Variants in DOK7 observed in about 807,000 individuals in gnomAD.
The protein encoded by DOK7 is protein Dok-7.
A neutral mutation model predicts 30.7 loss-of-function variants in DOK7; 32 were observed. The ratio of observed to expected loss-of-function variants is 1.04; its 90% CI spans 0.79 to 1.40. The LOEUF (loss-of-function observed/expected upper bound fraction) is 1.40, where lower values mean the gene tolerates loss of function less well. Ranked by LOEUF, DOK7 falls within the 40% of genes most tolerant of loss-of-function variation. The pLI is 0.00. For synonymous variants in DOK7, 447 were observed against 324.1 expected (o/e 1.38, Z -4.07); for missense variants, 1,007 against 699.2 (o/e 1.44, Z -4.97).
intron 6 of DOK7, among the ~76,000 whole-genome samples, chr4:3,491,994 C>T (rs745791368): frequency 8.5e-5 from 13 of 152,228 alleles, no homozygotes; most frequent in Non-Finnish European, 1.6e-4. Flanking sequence ...CCCCTCCTGC[C>T]CTGCCCCAGG....
chr4:3,488,149 G>A (rs1727938942), intron 5 of DOK7, among the ~76,000 whole-genome samples: 1 of 152,352 alleles, frequency 6.6e-6, no homozygotes, highest in African/African-American at 2.4e-5. Flanking sequence ...CCCTGTCCCC[G>A]GCAATGCTAC....
chr4:3,495,809 G>A (rs1052183307), downstream of DOK7, among the ~76,000 whole-genome samples: 7 of 152,144 alleles, frequency 4.6e-5, no homozygotes, highest in African/African-American at 1.7e-4. Context: ...GGGAGCAGCT[G>A]GGGAGGGGCC....
chr4:3,492,887 C>G lies in DOK7; in HGVS notation c.901C>G (p.Pro301Ala), dbSNP rs747520178. 4.4e-6 allele frequency: 7 copies of G among 1,597,294 alleles called. No homozygotes were observed. Among genetic ancestry groups the G allele is most frequent in the East Asian group, 2.3e-5 (1 of 43,962 alleles). ...CAGCACGTCACAGGAGGGGCCTAGA[C>G]CAGCAGCTGCCCAGGCCGCCGGGGA... Reference protein sequence around the residue: ...SASTSQEGPRPAAAQAAGEAM... With the variant: ...SASTSQEGPRAAAAQAAGEAM... Residue 301 changes from proline (P) to alanine (A), a missense_variant, in exon 7 of 7, where the codon CCA (proline) becomes GCA (alanine). Transcript: ENST00000340083.
chr4:3,496,690 C>T, downstream of DOK7: 2 of 988,096 alleles, frequency 2.0e-6, no homozygotes, highest in Non-Finnish European at 2.9e-6. Context: ...GGCTGGACTC[C>T]CTGCAGGTGA....
rs779578555 is a variant in DOK7, at chr4:3,493,311, G to A, written c.1325G>A (p.Cys442Tyr). 3.1e-6 allele frequency: 5 copies of A among 1,605,626 alleles called. No individual in the cohort carries two copies. Among genetic ancestry groups the A allele is most frequent in the East Asian group, 2.2e-5 (1 of 44,576 alleles). Residue 442 changes from cysteine (C) to tyrosine (Y), a missense_variant, in exon 7 of 7, where the codon TGT becomes TAT. By Grantham distance (194) the Cys-to-Tyr change is radical. Transcript: ENST00000340083. Reference protein sequence around the residue: ...RDSGGQTSAGCPSGWLGTRRR... With the variant: ...RDSGGQTSAGYPSGWLGTRRR... ...TCAGGCGGCCAGACGTCCGCCGGGT[G>A]TCCCTCTGGCTGGCTGGGCACGAGA...
At position 3,500,405 on chromosome 4, in the gene DOK7, T is replaced by G; in HGVS notation, c.1261+2T>G. 2 of 1,535,454 alleles carry G rather than the reference T, an allele frequency of 1.3e-6. No individual in the cohort carries two copies. The highest frequency in any genetic ancestry group is 2.4e-5 in the East Asian group (1 of 40,868). ...AGGAGGCCAGCGAGGGTGTCCGAGG[T>G]GGGTCCCCGCCCTGCGTGGAGGCAC... is the stretch of plus-strand genomic sequence containing the variant. On this transcript the variant is annotated splice_donor_variant, in intron 7 of 7. Coordinates refer to the DOK7 transcript ENST00000643608. LOFTEE classifies it high-confidence loss of function.
At chr4:3,487,529 G>A (rs904321234) in intron 5 of DOK7, among the ~76,000 whole-genome samples, 6 of 152,250 alleles carry the variant, frequency 3.9e-5, no homozygotes, top group African/African-American at 1.4e-4. Flanking sequence ...CCCAGAGGCA[G>A]CCAGACCCAC....
rs151334056 is a variant in DOK7 at position 3,489,710 on chromosome 4, A to C, written c.686A>C (p.Glu229Ala). The C allele has an allele frequency of 1.3e-6, 2 of 1,564,206 alleles. No individual in the cohort carries two copies. Among genetic ancestry groups the C allele is most frequent in the Non-Finnish European group, 1.7e-6 (2 of 1,154,564 alleles). Residue 229 changes from glutamate to alanine, a missense_variant, in exon 6 of 7, where the codon GAG becomes GCG. Transcript: ENST00000340083. The part of the protein sequence containing the change: ...PSPPGPSTVE[E>A]RVAQEALETL... ...CCCCCGGGACCCTCGACTGTGGAGGAGCGTGTGGCCCAGGAAGCCCTGGAA... is the reference window on the plus strand; with the variant it reads ...CCCCCGGGACCCTCGACTGTGGAGGCGCGTGTGGCCCAGGAAGCCCTGGAA...
chr4:3,466,306 G>A (rs1207632018), intron 2 of DOK7, among the ~76,000 whole-genome samples: 1 of 148,538 alleles, frequency 6.7e-6, no homozygotes, highest in Non-Finnish European at 1.5e-5. Context: ...ACTGAGCCCG[G>A]CCTGCAGGAG....
Position 3,488,495 on chromosome 4 carries a change from A to G in DOK7, c.653-1182A>G, listed in dbSNP as rs528653503. On this transcript the variant is annotated intron_variant, in intron 5 of 6. Coordinates refer to ENST00000340083, the MANE Select transcript of DOK7 (RefSeq NM_173660.5). Reference sequence around the variant, plus strand: ...TGTTTGTTTCTCCGGAGCGCTGACCATGGGGTCGGGACGTCTGGCTCCAGC... The same window carrying G: ...TGTTTGTTTCTCCGGAGCGCTGACCGTGGGGTCGGGACGTCTGGCTCCAGC... Among the ~76,000 whole-genome samples, 8 of 152,270 alleles carry G rather than the reference A, an allele frequency of 5.3e-5. No homozygotes were observed. The East Asian group carries it at 5.8e-4, about 11-fold the overall frequency.
downstream of DOK7, among the ~76,000 whole-genome samples, chr4:3,495,060 T>A (rs889873799): frequency 1.3e-5 from 2 of 152,152 alleles, no homozygotes; most frequent in African/African-American, 2.4e-5. Context: ...GGGACTGAGT[T>A]TGGGCCACAT....
intron 2 of DOK7, among the ~76,000 whole-genome samples, chr4:3,465,018 T>G (rs577931707): frequency 6.6e-5 from 10 of 152,146 alleles, no homozygotes; most frequent in Non-Finnish European, 1.3e-4. Flanking sequence ...TGTGGGGTAG[T>G]AGAAGGTGCC....
rs745941308 is a variant in DOK7, at chr4:3,493,373, G to A, written c.1387G>A (p.Glu463Lys). The change falls in exon 7 of 7, where the codon GAG becomes AAG. Residue 463 changes from glutamate (E) to lysine (K), a missense_variant. Coordinates refer to ENST00000340083, the MANE Select transcript of DOK7 (RefSeq NM_173660.5). ...GGTGATGGAGGCCCCCCAGGGCAGCGAGGCCACACTGCCTGGCCCTGCCCC... is the reference window on the plus strand; with the variant it reads ...GGTGATGGAGGCCCCCCAGGGCAGCAAGGCCACACTGCCTGGCCCTGCCCC... ...GLVMEAPQGS[E>K]ATLPGPAPGE... The A allele has an allele frequency of 1.3e-5, 20 of 1,595,848 alleles. No individual in the cohort carries two copies. The highest frequency in any genetic ancestry group is 6.8e-5 in the East Asian group (3 of 44,142).
At chr4:3,498,391 C>A (rs993364181), downstream of DOK7, among the ~76,000 whole-genome samples, 1 of 152,174 alleles carries the variant, frequency 6.6e-6, no homozygotes, top group African/African-American at 2.4e-5. Context: ...CCTTTCCCTG[C>A]AGTCAGGCCT....
chr4:3,467,205 C>G (rs1726341036), intron 2 of DOK7, among the ~76,000 whole-genome samples: 1 of 151,700 alleles, frequency 6.6e-6, no homozygotes, highest in Non-Finnish European at 1.5e-5. Flanking sequence ...CACTGCGTCC[C>G]CGGCCCACAC....
intron 4 of DOK7, among the ~76,000 whole-genome samples, chr4:3,482,767 C>G (rs1340095438): frequency 6.6e-6 from 1 of 152,230 alleles, no homozygotes; most frequent in Non-Finnish European, 1.5e-5. Context: ...CGGTCAGCAG[C>G]CTCTCACCTA....
At chr4:3,490,950 CCTTCTCCCCCTGCTCATTT>C (rs1043200479) in intron 6 of DOK7, among the ~76,000 whole-genome samples, 1 of 142,032 alleles carries the variant, frequency 7.0e-6, no homozygotes, top group African/African-American at 2.6e-5. Flanking sequence ...CTCATTCATT[CCTTCTCCCCCTGCTCATTT>C]CTTCATTTCC....
At chr4:3,494,975 T>TGTCA (rs1228407838), downstream of DOK7, among the ~76,000 whole-genome samples, 3 of 152,220 alleles carry the variant, frequency 2.0e-5, no homozygotes, top group African/African-American at 7.2e-5. Flanking sequence ...CCTGCCACCC[T>TGTCA]GTCAGGGACT....
chr4:3,474,151 C>T (rs1183131962), intron 3 of DOK7, among the ~76,000 whole-genome samples: 5 of 152,128 alleles, frequency 3.3e-5, no homozygotes, highest in Non-Finnish European at 7.4e-5. Flanking sequence ...CGAATGGGTG[C>T]CTGGGGGCCT....
Sources: allele counts gnomAD v4.1 joint callset (sites outside exome capture counted in the v4.1 genomes callset), GRCh38; gene constraint gnomAD v4.1.1; transcripts MANE v1.5; gene names NCBI Gene and HGNC (gene_info 2026-07-23, HGNC 2026-07-21).